Variants in SLC4A4 observed in about 807,000 individuals in gnomAD.
SLC4A4 encodes the protein solute carrier family 4 member 4.
A neutral mutation model predicts 111.5 loss-of-function variants in SLC4A4; 27 were observed. That is an observed-to-expected ratio of 0.24 (90% CI 0.18 to 0.33). The LOEUF (loss-of-function observed/expected upper bound fraction) is 0.33, where lower values mean the gene tolerates loss of function less well. Ranked by LOEUF, SLC4A4 falls within the 10% of genes least tolerant of loss-of-function variation. The pLI is 1.00. For missense variants in SLC4A4, 909 were observed against 1,315.5 expected (o/e 0.69, Z 4.78); for synonymous variants, 443 against 463.4 (o/e 0.96, Z 0.57).
chr4:71,437,331 C>A, intron 7 of SLC4A4: 1 of 358,272 alleles, frequency 2.8e-6, no homozygotes, highest in South Asian at 2.7e-5. Context: ...GAAATACACT[C>A]AATTTCCAGA....
At chr4:71,360,549 CAT>C (rs1345937846) in intron 6 of SLC4A4, among the ~76,000 whole-genome samples, 1 of 152,102 alleles carries the variant, frequency 6.6e-6, no homozygotes, top group East Asian at 1.9e-4. Context: ...TGAAGTCTGA[CAT>C]ATTCAATCTT....
At chr4:71,199,466 T>C (rs6811979) in intron 1 of SLC4A4, among the ~76,000 whole-genome samples, 15,893 of 152,182 alleles carry the variant, frequency 0.1, 1,258 homozygotes, top group South Asian at 0.24. Flanking sequence ...ATGCAATATA[T>C]TTTATTTTGG....
At chr4:71,435,884 C>T (rs984269680) in intron 7 of SLC4A4, among the ~76,000 whole-genome samples, 4 of 152,040 alleles carry the variant, frequency 2.6e-5, no homozygotes, top group African/African-American at 7.2e-5. Context: ...GTTAGAATGG[C>T]GATCATTAAA....
intron 5 of SLC4A4, 49 bp from the exon 6 acceptor site, chr4:71,356,959 T>G: frequency 6.4e-7 from 1 of 1,562,850 alleles, no homozygotes; most frequent in Non-Finnish European, 8.8e-7. Flanking sequence ...AAAAATAACT[T>G]TGTGGTCTTG....
chr4:71,241,381 T>C (rs1020137876), intron 2 of SLC4A4, among the ~76,000 whole-genome samples: 2 of 152,152 alleles, frequency 1.3e-5, no homozygotes, highest in African/African-American at 4.8e-5. Context: ...TGGTGGCTTT[T>C]GTCTTTTTGG....
intron 7 of SLC4A4, among the ~76,000 whole-genome samples, chr4:71,403,021 A>G (rs914223958): frequency 1.3e-5 from 2 of 152,220 alleles, no homozygotes; most frequent in African/African-American, 4.8e-5. Flanking sequence ...TATGTATTTT[A>G]AAATTGGGAC....
chr4:71,461,837 T>G (rs1726858324), intron 12 of SLC4A4, among the ~76,000 whole-genome samples: 1 of 152,292 alleles, frequency 6.6e-6, no homozygotes, highest in Admixed American at 6.5e-5. Flanking sequence ...GATATCGATT[T>G]TGACTTCACT....
intron 1 of SLC4A4, chr4:71,233,309 G>A (rs1719571614): frequency 1.0e-6 from 1 of 985,292 alleles, no homozygotes; most frequent in Admixed American, 6.1e-5. Flanking sequence ...GCTACTGTGT[G>A]TGGTATGTAA....
intron 2 of SLC4A4, among the ~76,000 whole-genome samples, chr4:71,107,488 A>T (rs1742968138): frequency 6.6e-6 from 1 of 152,002 alleles, no homozygotes; most frequent in Non-Finnish European, 1.5e-5. Flanking sequence ...TTGGGACTAG[A>T]GGCACATGCC....
intron 7 of SLC4A4, among the ~76,000 whole-genome samples, chr4:71,411,493 T>A (rs1448198247): frequency 6.6e-6 from 1 of 152,188 alleles, no homozygotes; most frequent in Non-Finnish European, 1.5e-5. Context: ...TTTGGCTACA[T>A]GTTTATCTTC....
At chr4:71,495,032 A>G (rs921561271) in intron 15 of SLC4A4, among the ~76,000 whole-genome samples, 1 of 152,122 alleles carries the variant, frequency 6.6e-6, no homozygotes, top group Admixed American at 6.6e-5. Context: ...AGATATGTGC[A>G]TGCCACCTAC....
At chr4:71,273,577 C>T (rs903533286) in intron 3 of SLC4A4, among the ~76,000 whole-genome samples, 2 of 152,072 alleles carry the variant, frequency 1.3e-5, no homozygotes, top group African/African-American at 4.8e-5. Context: ...TACGTTTCCT[C>T]ACAAGGTAAT....
intron 12 of SLC4A4, among the ~76,000 whole-genome samples, chr4:71,456,443 G>A (rs941021861): frequency 1.3e-5 from 2 of 152,282 alleles, no homozygotes; most frequent in Admixed American, 6.5e-5. Context: ...GTGATTTAAT[G>A]TGGAATTTAA....
chr4:71,470,257 A>G (rs912280996), intron 13 of SLC4A4, among the ~76,000 whole-genome samples: 1 of 152,026 alleles, frequency 6.6e-6, no homozygotes, highest in African/African-American at 2.4e-5. Flanking sequence ...TCCGGACACA[A>G]AGCAAACTGC....
intron 2 of SLC4A4, among the ~76,000 whole-genome samples, chr4:71,150,532 T>C (rs977914726): frequency 1.3e-5 from 2 of 152,164 alleles, no homozygotes; most frequent in Non-Finnish European, 2.9e-5. Context: ...ACTAAATGCG[T>C]TACCTAAATG....
intron 2 of SLC4A4, among the ~76,000 whole-genome samples, chr4:71,116,130 C>T (rs537127339): frequency 1.3e-5 from 2 of 152,228 alleles, no homozygotes; most frequent in East Asian, 3.9e-4. Flanking sequence ...CCTGACCTCA[C>T]GTGGTCCACT....
At chr4:71,340,065 GA>G (rs1338580042) in intron 4 of SLC4A4, among the ~76,000 whole-genome samples, 3 of 149,632 alleles carry the variant, frequency 2.0e-5, no homozygotes, top group Non-Finnish European at 3.0e-5. Context: ...AAAAAAAAAA[GA>G]AAAAAAAATC....
At chr4:71,518,859 G>C (rs1399147912) in intron 16 of SLC4A4, among the ~76,000 whole-genome samples, 1 of 152,144 alleles carries the variant, frequency 6.6e-6, no homozygotes, top group African/African-American at 2.4e-5. Context: ...CCTAGAGTCT[G>C]GGGTTCTCTA....
intron 2 of SLC4A4, among the ~76,000 whole-genome samples, chr4:71,177,662 C>A (rs542381916): frequency 6.6e-6 from 1 of 152,156 alleles, no homozygotes; most frequent in Non-Finnish European, 1.5e-5. Context: ...AATACAGGAG[C>A]ACCCAGATTC....
Sources: gnomAD v4.1 joint callset for allele counts (sites outside exome capture counted in the v4.1 genomes callset) on GRCh38, gnomAD v4.1.1 for gene constraint, MANE v1.5 for transcripts, NCBI Gene and HGNC (gene_info 2026-07-23, HGNC 2026-07-21) for gene names.